NPNT: variants seen among roughly 807,000 people sequenced by gnomAD.
NPNT encodes the protein nephronectin, also known as preosteoblast EGF-like repeat protein with MAM domain.
Under a neutral mutation model 68.6 loss-of-function variants are expected in NPNT, and 45 were observed. That is an observed-to-expected ratio of 0.66 (90% CI 0.52 to 0.84). The LOEUF is 0.84. Ranked by LOEUF, NPNT falls within the 40% of genes least tolerant of loss-of-function variation. The pLI, the probability that NPNT is intolerant of heterozygous loss-of-function variation, is 0.00. For missense variants in NPNT, 672 were observed against 714.8 expected (o/e 0.94, Z 0.68); for synonymous variants, 233 against 253.3 (o/e 0.92, Z 0.76).
chr4:105,946,043 A>G (rs1419087798), intron 8 of NPNT, among the ~76,000 whole-genome samples: 1 of 152,168 alleles, frequency 6.6e-6, no homozygotes. Context: ...CAGAAATCAG[A>G]TTTTTTTAAA....
At chr4:105,962,849 G>GTA (rs1335065697) in intron 10 of NPNT, among the ~76,000 whole-genome samples, 1 of 144,960 alleles carries the variant, frequency 6.9e-6, no homozygotes, top group Non-Finnish European at 1.5e-5. Context: ...TGGATGGAGT[G>GTA]TATGTGTGTG....
chr4:105,904,311 A>G (rs1726690606), intron 2 of NPNT, among the ~76,000 whole-genome samples: 1 of 152,214 alleles, frequency 6.6e-6, no homozygotes, highest in African/African-American at 2.4e-5. Context: ...TGTAATTTTT[A>G]TCAATTGCCC....
intron 2 of NPNT, among the ~76,000 whole-genome samples, chr4:105,899,974 T>C (rs1726263349): frequency 6.6e-6 from 1 of 152,192 alleles, no homozygotes. Flanking sequence ...CTCTGAAAAC[T>C]CTTGATTATT....
intron 2 of NPNT, among the ~76,000 whole-genome samples, chr4:105,906,162 G>T (rs1398362239): frequency 2.6e-5 from 4 of 152,124 alleles, no homozygotes; most frequent in African/African-American, 9.7e-5. Flanking sequence ...CTACAATTTG[G>T]CTACTAGCTT....
intron 10 of NPNT, among the ~76,000 whole-genome samples, chr4:105,963,303 A>G (rs1731880614): frequency 6.6e-6 from 1 of 152,216 alleles, no homozygotes; most frequent in Admixed American, 6.5e-5. Context: ...TCTAGATTAT[A>G]CCACTTATAA....
At chr4:105,945,829 A>G (rs1730339588) in intron 8 of NPNT, among the ~76,000 whole-genome samples, 1 of 152,238 alleles carries the variant, frequency 6.6e-6, no homozygotes, top group African/African-American at 2.4e-5. Flanking sequence ...GAACATATCA[A>G]TGTTAAGGAA....
rs1182972335 is a variant in NPNT, at chr4:105,970,474, C to T, written c.*1484C>T. On this transcript the variant is annotated 3_prime_UTR_variant, in exon 12 of 12. Transcript: ENST00000379987. ...ATTATTGAGCCTGGAGAAGAGAAGA[C>T]TGAGGGGCAAACCATTGATGGTTTT... The T allele has an allele frequency of 1.4e-6, 1 of 697,012 alleles. No homozygotes were observed. Among genetic ancestry groups the T allele is most frequent in the Non-Finnish European group, 2.6e-6 (1 of 380,848 alleles). 43.2% of individuals were successfully genotyped at this position (697,012 alleles called of 1,614,324 possible).
chr4:105,938,486 G>A (rs1729676986), intron 5 of NPNT, 66 bp downstream of exon 5: 8 of 1,544,290 alleles, frequency 5.2e-6, no homozygotes, highest in Middle Eastern at 1.8e-4. Context: ...AGTGAAAGGT[G>A]ATGGGAATAA....
chr4:105,967,683 T>G (rs1732280851), intron 11 of NPNT, among the ~76,000 whole-genome samples: 1 of 152,058 alleles, frequency 6.6e-6, no homozygotes, highest in South Asian at 2.1e-4. Flanking sequence ...AAGATCCATT[T>G]TTTTTTAATG....
rs573831469 is a variant in NPNT at position 105,938,556 on chromosome 4, G to A, written c.505+136G>A. 7.9e-6 allele frequency: 7 copies of A among 883,754 alleles called. No individual in the cohort carries two copies. In the East Asian group the frequency reaches 1.6e-4, roughly 20 times the overall value. 54.7% of individuals were successfully genotyped at this position (883,754 alleles called of 1,614,324 possible). A position where few individuals can be genotyped will look rare whatever the true frequency, so the allele number is the denominator to read the frequency against. On this transcript the variant is annotated intron_variant, in intron 5 of 11. Coordinates refer to ENST00000379987, the MANE Select transcript of NPNT (RefSeq NM_001033047.3). ...AGCTATCGTTCAGAAGATATCAGAT[G>A]TCTCAGAAGAGGACATCTCTGTGAA...
intron 10 of NPNT, among the ~76,000 whole-genome samples, chr4:105,961,340 A>G (rs1026389555): frequency 2.6e-5 from 4 of 152,222 alleles, no homozygotes; most frequent in African/African-American, 9.7e-5. Flanking sequence ...GACCTGGAGT[A>G]GTTTGCTACA....
intron 1 of NPNT, 91 bp downstream of exon 1, chr4:105,895,814 T>C: frequency 8.8e-7 from 1 of 1,137,782 alleles, no homozygotes; most frequent in Non-Finnish European, 1.3e-6. Context: ...GGTTTCGTGG[T>C]CAGAGAGGCG....
intron 8 of NPNT, among the ~76,000 whole-genome samples, chr4:105,943,087 C>T (rs1413225869): frequency 6.6e-6 from 1 of 152,146 alleles, no homozygotes; most frequent in East Asian, 1.9e-4. Flanking sequence ...TTTAGAGTGT[C>T]AAGAAGGCCT....
At chr4:105,925,764 C>T (rs1395463959) in intron 2 of NPNT, among the ~76,000 whole-genome samples, 1 of 152,174 alleles carries the variant, frequency 6.6e-6, no homozygotes, top group Non-Finnish European at 1.5e-5. Flanking sequence ...TTCTTCACGT[C>T]AGACCTAAAC....
chr4:105,920,023 T>C (rs1728125881), intron 2 of NPNT, among the ~76,000 whole-genome samples: 1 of 152,078 alleles, frequency 6.6e-6, no homozygotes, highest in African/African-American at 2.4e-5. Flanking sequence ...AATTTCGCCG[T>C]TCCTTCTACA....
chr4:105,940,416 C>T (rs1729842569), intron 6 of NPNT, 98 bp from the exon 7 acceptor site: 1 of 1,253,996 alleles, frequency 8.0e-7, no homozygotes, highest in Non-Finnish European at 1.1e-6. Context: ...TAGATCATCA[C>T]ATTGCCAAAA....
rs754480702 is a variant in NPNT at position 105,969,028 on chromosome 4, A to G, written c.*38A>G. On this transcript the variant is annotated 3_prime_UTR_variant, in exon 12 of 12. Transcript: ENST00000379987. The stretch of plus-strand genomic sequence containing the variant: ...TAACAATGAACTCCTATGTTGCTCT[A>G]TCCTCTTTTTCCAATTCTCATCTTC... 4 of 1,318,082 alleles carry G rather than the reference A, an allele frequency of 3.0e-6. No homozygotes were observed. Among genetic ancestry groups the G allele is most frequent in the Non-Finnish European group, 4.4e-6 (4 of 916,296 alleles). 81.6% of individuals were successfully genotyped at this position (1,318,082 alleles called of 1,614,324 possible).
At position 105,898,565 on chromosome 4, in the gene NPNT, G is replaced by A. The variant is rs563641937; in HGVS notation, c.172+564G>A. ...TGGCCCATTTGTAAATCCTTTTTTG[G>A]ACTGGGGTTGTATTGACAGTGTTTT... On this transcript the variant is annotated intron_variant, in intron 2 of 11. Transcript: ENST00000379987. Among the ~76,000 whole-genome samples the A allele has an allele frequency of 3.4e-4, 51 of 152,036 alleles. 1 individual carries two copies. In the South Asian group the frequency reaches 0.01, roughly 31 times the overall value.
At chr4:105,948,195 A>C (rs1730534986) in intron 8 of NPNT, among the ~76,000 whole-genome samples, 1 of 152,198 alleles carries the variant, frequency 6.6e-6, no homozygotes, top group African/African-American at 2.4e-5. Flanking sequence ...ATATACTTCT[A>C]AATTTTAAGC....
Sources: gnomAD v4.1 joint callset for allele counts (sites outside exome capture counted in the v4.1 genomes callset) on GRCh38, gnomAD v4.1.1 for gene constraint, MANE v1.5 for transcripts, NCBI Gene and HGNC (gene_info 2026-07-23, HGNC 2026-07-21) for gene names.